DNTTIP1: variants seen among roughly 807,000 people sequenced by gnomAD.
DNTTIP1 encodes the protein deoxynucleotidyltransferase terminal interacting protein 1, also known as deoxynucleotidyltransferase terminal-interacting protein 1.
A neutral mutation model predicts 52.9 loss-of-function variants in DNTTIP1; 22 were observed. The ratio of observed to expected loss-of-function variants is 0.42; its 90% CI spans 0.30 to 0.59. DNTTIP1 has a LOEUF of 0.59. DNTTIP1 is among the 20% of genes least tolerant of loss of function. The pLI is 0.22. For synonymous variants in DNTTIP1, 136 were observed against 155.1 expected, an observed-to-expected ratio of 0.88 and a Z score of 0.92; for missense variants, 286 against 435.5, an observed-to-expected ratio of 0.66 and a Z score of 3.06.
chr20:45,802,842 A>T (rs1486505415), intron 7 of DNTTIP1, among the ~76,000 whole-genome samples: 2 of 151,900 alleles, frequency 1.3e-5, no homozygotes, highest in Admixed American at 6.6e-5. Flanking sequence ...CCCACTTTTT[A>T]AAAAAAATTC....
At chr20:45,808,713 A>G (rs952634510) in intron 10 of DNTTIP1, among the ~76,000 whole-genome samples, 1 of 152,194 alleles carries the variant, frequency 6.6e-6, no homozygotes, top group South Asian at 2.1e-4. Context: ...ATTCTTAACC[A>G]TGATGCTATT....
At position 45,795,373 on chromosome 20, in the gene DNTTIP1, G is replaced by C; in HGVS notation, c.302G>C (p.Arg101Pro). 6.2e-7 allele frequency: 1 copy of C among 1,611,394 alleles called. No homozygotes were observed. Among genetic ancestry groups the C allele is most frequent in the South Asian group, 1.1e-5 (1 of 90,422 alleles). The part of the protein sequence containing the change: ...KFFQKAALNV[R>P]DNVGEEVDAE... ...TTCCAGAAGGCAGCACTGAACGTGCGAGACAATGTTGGGGAGGAGGTGGAC... is the reference window on the plus strand; with the variant it reads ...TTCCAGAAGGCAGCACTGAACGTGCCAGACAATGTTGGGGAGGAGGTGGAC... Residue 101 changes from arginine to proline, a missense_variant, in exon 4 of 13, where the codon CGA becomes CCA. Physicochemically the swap from Arg to Pro is moderately radical, Grantham distance 103. Around this residue, in one of 2 missense-constraint regions of DNTTIP1, gnomAD observed 208 missense variants for 266.5 expected, o/e 0.78. Coordinates refer to ENST00000372622, the MANE Select transcript of DNTTIP1 (RefSeq NM_052951.3).
intron 8 of DNTTIP1, 91 bp downstream of exon 8, chr20:45,803,469 G>A (rs1384677030): frequency 9.7e-6 from 14 of 1,445,516 alleles, no homozygotes; most frequent in South Asian, 5.9e-5. Flanking sequence ...GGCAGGGGGC[G>A]AAGGGTGCAT....
intron 8 of DNTTIP1, among the ~76,000 whole-genome samples, chr20:45,804,783 T>C (rs1286496749): frequency 6.6e-6 from 1 of 152,186 alleles, no homozygotes; most frequent in Non-Finnish European, 1.5e-5. Flanking sequence ...CAACTTGTGC[T>C]CACCCTTTCA....
rs912333833 is a variant in DNTTIP1 at position 45,791,994 on chromosome 20, C to T, written c.-11C>T. 8.8e-6 allele frequency: 11 copies of T among 1,249,212 alleles called. No homozygotes were observed. The highest frequency in any genetic ancestry group is 1.5e-5 in the African/African-American group (1 of 65,284). 77.4% of individuals were successfully genotyped at this position (1,249,212 alleles called of 1,614,324 possible). A position where few individuals can be genotyped will look rare whatever the true frequency, so the allele number is the denominator to read the frequency against. On this transcript the variant is annotated 5_prime_UTR_variant, in exon 1 of 13. Coordinates refer to ENST00000372622, the MANE Select transcript of DNTTIP1 (RefSeq NM_052951.3). ...ACAGAGTCCAGCGGAGTTGTGGGGGCCGGGGGCGCCATGGGAGCCACTGGC... is the reference window on the plus strand; with the variant it reads ...ACAGAGTCCAGCGGAGTTGTGGGGGTCGGGGGCGCCATGGGAGCCACTGGC...
At chr20:45,800,533 G>T (rs559180699) in intron 4 of DNTTIP1, among the ~76,000 whole-genome samples, 1 of 151,014 alleles carries the variant, frequency 6.6e-6, no homozygotes, top group African/African-American at 2.4e-5. Flanking sequence ...AATTAGCTGG[G>T]CATGGTGGTG....
chr20:45,801,631 A>G (rs1004800351), intron 6 of DNTTIP1, among the ~76,000 whole-genome samples, 173 bp downstream of exon 6: 3 of 152,094 alleles, frequency 2.0e-5, no homozygotes, highest in African/African-American at 7.2e-5. Flanking sequence ...TCTAAAATAA[A>G]AAAAAAATTA....
chr20:45,794,951 A>C (rs1182812079), intron 3 of DNTTIP1, among the ~76,000 whole-genome samples: 1 of 151,984 alleles, frequency 6.6e-6, no homozygotes, highest in Non-Finnish European at 1.5e-5. Flanking sequence ...GGCATCCGCC[A>C]CCACGCCCAG....
chr20:45,810,289 C>T (rs1394229598), intron 11 of DNTTIP1, among the ~76,000 whole-genome samples: 1 of 152,200 alleles, frequency 6.6e-6, no homozygotes, highest in Admixed American at 6.5e-5. Context: ...CCACTGTAGA[C>T]CGAGGCATTG....
In DNTTIP1 at chr20:45,810,570, T is replaced by G. The variant is rs1377953254; in HGVS notation, c.796-315T>G. ...AATGGTGGATCCCTTTTTTTTTCTT[T>G]TTTTCTTTTTTTTTTTTTTTTCTTA... is the stretch of plus-strand genomic sequence containing the variant. On this transcript the variant is annotated intron_variant, in intron 11 of 12. Coordinates refer to ENST00000372622, the MANE Select transcript of DNTTIP1 (RefSeq NM_052951.3). Among the ~76,000 whole-genome samples the G allele has an allele frequency of 1.2e-4, 10 of 84,748 alleles. No homozygotes were observed. In the Admixed American group the frequency reaches 1.4e-3, roughly 12 times the overall value. The allele number at this position is 84,748 out of a possible 152,430, so 55.6% of individuals were successfully genotyped here.
intron 2 of DNTTIP1, 88 bp downstream of exon 2, chr20:45,792,835 C>A: frequency 8.3e-7 from 1 of 1,202,428 alleles, no homozygotes; most frequent in Non-Finnish European, 1.2e-6. Flanking sequence ...CTATGGAGAT[C>A]TACAGCCGGT....
At chr20:45,805,762 T>C (rs1317201540) in intron 10 of DNTTIP1, among the ~76,000 whole-genome samples, 4 of 152,202 alleles carry the variant, frequency 2.6e-5, no homozygotes, top group Non-Finnish European at 4.4e-5. Context: ...CCTGAGCTCT[T>C]AACCACTACC....
In DNTTIP1 at chr20:45,809,251, TGGGTG is replaced by T; in HGVS notation, c.795+67_795+71del. On this transcript the variant is annotated intron_variant, in intron 11 of 12. Transcript: ENST00000372622. This position sits in a 1 kb window ranked among gnomAD's most constrained non-coding sequence, Gnocchi z 4.2. ...CACCTGGGAACCAGGATTTTGGCTG[TGGGTG>T]ACAGCCTACCTCCAAATCTGACTTC... The T allele has an allele frequency of 2.8e-6, 4 of 1,446,632 alleles. No homozygotes were observed. The highest frequency in any genetic ancestry group is 1.1e-5 in the South Asian group (1 of 87,054). The allele number at this position is 1,446,632 out of a possible 1,614,324, so 89.6% of individuals were successfully genotyped here.
chr20:45,792,643 G>C, intron 1 of DNTTIP1, 34 bp from the exon 2 acceptor site: 4 of 1,536,870 alleles, frequency 2.6e-6, no homozygotes, highest in Non-Finnish European at 3.5e-6. Context: ...AGTGTCACAG[G>C]CCGCAGTGAC....
intron 6 of DNTTIP1, 83 bp downstream of exon 6, chr20:45,801,541 A>G (rs1981472509): frequency 7.6e-6 from 11 of 1,445,950 alleles, no homozygotes; most frequent in Non-Finnish European, 1.1e-5. Context: ...TAATCCCAAC[A>G]CTTTGGGAGG....
At chr20:45,792,604 A>C in intron 1 of DNTTIP1, 73 bp from the exon 2 acceptor site, 3 of 1,234,024 alleles carry the variant, frequency 2.4e-6, no homozygotes, top group Non-Finnish European at 2.2e-6. Context: ...GTTTAACTTC[A>C]TACCCACCCT....
chr20:45,800,302 A>AT (rs1398251808), intron 4 of DNTTIP1, among the ~76,000 whole-genome samples: 3 of 152,000 alleles, frequency 2.0e-5, no homozygotes, highest in Non-Finnish European at 2.9e-5. Context: ...GCTTTTTTAC[A>AT]TTTTTTAATT....
rs1981744216 is a variant in DNTTIP1, at chr20:45,809,146, G to A, written c.756G>A (p.Leu252=). 3 of 1,614,186 alleles carry A rather than the reference G, an allele frequency of 1.9e-6. No homozygotes were observed. The highest frequency in any genetic ancestry group is 4.5e-5 in the East Asian group (2 of 44,890). ...YAADPQDKHW[L]AEQHHMRATG... Reference sequence around the variant, plus strand: ...CTGACCCCCAGGATAAGCACTGGCTGGCTGAGCAGCATCACATGCGGGCAA... The same window carrying A: ...CTGACCCCCAGGATAAGCACTGGCTAGCTGAGCAGCATCACATGCGGGCAA... The change falls in exon 11 of 13, where the codon CTG becomes CTA. Residue 252 remains leucine (L), a synonymous_variant. Coordinates refer to ENST00000372622, the MANE Select transcript of DNTTIP1 (RefSeq NM_052951.3). This position sits in a 1 kb window ranked among gnomAD's most constrained non-coding sequence, Gnocchi z 4.2.
chr20:45,803,044 A>G, intron 7 of DNTTIP1: 1 of 388,156 alleles, frequency 2.6e-6, no homozygotes, highest in Non-Finnish European at 4.8e-6. Flanking sequence ...CACAAACACA[A>G]GATAGGTAGG....
Sources: gnomAD v4.1 joint callset for allele counts (sites outside exome capture counted in the v4.1 genomes callset) on GRCh38, gnomAD v4.1.1 for gene constraint, gnomAD v4.1.1 regional missense constraint, Gnocchi (gnomAD v3.1) non-coding constraint, MANE v1.5 for transcripts, NCBI Gene and HGNC (gene_info 2026-07-23, HGNC 2026-07-21) for gene names.